JAZF1: variants seen among roughly 807,000 people sequenced by gnomAD.
The protein encoded by JAZF1 is juxtaposed with another zinc finger protein 1.
A neutral mutation model predicts 26.4 loss-of-function variants in JAZF1; 8 were observed. The ratio of observed to expected loss-of-function variants is 0.30; its 90% CI spans 0.18 to 0.55. JAZF1 has a LOEUF of 0.55. JAZF1 is among the 20% of genes least tolerant of loss of function. JAZF1 has a pLI of 0.94. For synonymous variants in JAZF1, 126 were observed against 122.3 expected (o/e 1.03, Z -0.20); for missense variants, 199 against 322.0 (o/e 0.62, Z 2.92).
chr7:28,021,804 G>T (rs144034795), intron 1 of JAZF1, among the ~76,000 whole-genome samples: 2 of 152,334 alleles, frequency 1.3e-5, no homozygotes, highest in East Asian at 3.9e-4. Flanking sequence ...AGGGCCCACA[G>T]TTCGTCACCA....
At chr7:28,101,322 G>C (rs749484949) in intron 1 of JAZF1, among the ~76,000 whole-genome samples, 10 of 152,044 alleles carry the variant, frequency 6.6e-5, no homozygotes, top group Non-Finnish European at 1.0e-4. Flanking sequence ...CAGACACACA[G>C]TTATACAACG....
At chr7:27,914,294 T>G (rs2128346246) in intron 2 of JAZF1, among the ~76,000 whole-genome samples, 1 of 152,268 alleles carries the variant, frequency 6.6e-6, no homozygotes, top group South Asian at 2.1e-4. Context: ...GGACAGGTTC[T>G]CTGCTCTTCA....
chr7:27,966,772 A>AT (rs941490822), intron 2 of JAZF1, among the ~76,000 whole-genome samples: 7 of 152,162 alleles, frequency 4.6e-5, no homozygotes, highest in East Asian at 1.9e-4. Context: ...TCAAGGGGTA[A>AT]TTTTTTTTGT....
rs1785078453 is a variant in JAZF1 at position 27,955,783 on chromosome 7, A to G, written c.188+36126T>C. 2.6e-5 allele frequency among the ~76,000 whole-genome samples: 4 copies of G among 152,234 alleles called. No homozygotes were observed. In the South Asian group the frequency reaches 8.3e-4, roughly 31 times the overall value. Reference sequence around the variant, plus strand: ...CCACAATTAGGCATGACCTTTACTTAATGAAGCACTCCCTAAAGGGTGGTG... The same window carrying G: ...CCACAATTAGGCATGACCTTTACTTGATGAAGCACTCCCTAAAGGGTGGTG... On this transcript the variant is annotated intron_variant, in intron 2 of 4. Coordinates refer to ENST00000283928, the MANE Select transcript of JAZF1 (RefSeq NM_175061.4).
At chr7:28,144,831 CA>C (rs1783001394) in intron 1 of JAZF1, among the ~76,000 whole-genome samples, 3 of 152,100 alleles carry the variant, frequency 2.0e-5, no homozygotes, top group Admixed American at 6.5e-5. Flanking sequence ...CTTTTTAAAT[CA>C]AAGGTAAATC....
At chr7:28,177,111 C>T (rs180812745) in intron 1 of JAZF1, among the ~76,000 whole-genome samples, 3 of 152,010 alleles carry the variant, frequency 2.0e-5, no homozygotes, top group African/African-American at 7.3e-5. Flanking sequence ...CGGGATTTCT[C>T]GGCAATTTAA....
At chr7:28,150,658 A>G (rs890288460) in intron 1 of JAZF1, among the ~76,000 whole-genome samples, 3 of 152,182 alleles carry the variant, frequency 2.0e-5, no homozygotes, top group Non-Finnish European at 4.4e-5. Context: ...CTCTCCTAAG[A>G]GGCCACACAA....
At chr7:28,166,866 C>G (rs370406679) in intron 1 of JAZF1, among the ~76,000 whole-genome samples, 1 of 152,142 alleles carries the variant, frequency 6.6e-6, no homozygotes, top group East Asian at 1.9e-4. Flanking sequence ...CCAGGGAAAT[C>G]AAATTTCACC....
intron 2 of JAZF1, among the ~76,000 whole-genome samples, chr7:27,918,581 C>A (rs964891564): frequency 3.3e-5 from 5 of 152,138 alleles, no homozygotes; most frequent in Admixed American, 3.3e-4. Flanking sequence ...TCTAGTATTT[C>A]AACTTTTCCA....
chr7:28,066,286 C>G (rs1316717061), intron 1 of JAZF1, among the ~76,000 whole-genome samples: 3 of 152,022 alleles, frequency 2.0e-5, no homozygotes, highest in Non-Finnish European at 2.9e-5. Flanking sequence ...CAGGCCAGGT[C>G]AGGGCTGGAA....
chr7:28,131,914 C>T (rs1037076642), intron 1 of JAZF1, among the ~76,000 whole-genome samples: 8 of 152,076 alleles, frequency 5.3e-5, no homozygotes, highest in South Asian at 2.1e-4. Context: ...GAAAATGCAA[C>T]GCACAAATCT....
At chr7:28,056,293 A>G (rs1419680604) in intron 1 of JAZF1, among the ~76,000 whole-genome samples, 1 of 152,126 alleles carries the variant, frequency 6.6e-6, no homozygotes, top group African/African-American at 2.4e-5. Flanking sequence ...GGCAGTTCAT[A>G]CCACATGTAC....
At chr7:28,143,159 T>C (rs1297162387) in intron 1 of JAZF1, among the ~76,000 whole-genome samples, 1 of 152,176 alleles carries the variant, frequency 6.6e-6, no homozygotes, top group Non-Finnish European at 1.5e-5. Context: ...ATACTGCAGA[T>C]TGACTCAAAC....
intron 1 of JAZF1, among the ~76,000 whole-genome samples, chr7:28,091,643 C>T (rs932325845): frequency 2.0e-5 from 3 of 149,580 alleles, no homozygotes; most frequent in African/African-American, 7.3e-5. Flanking sequence ...TATACACACA[C>T]ACAGACACAC....
chr7:27,961,347 A>G (rs914743528), intron 2 of JAZF1, among the ~76,000 whole-genome samples: 6 of 152,180 alleles, frequency 3.9e-5, no homozygotes, highest in Non-Finnish European at 7.3e-5. Flanking sequence ...CGGACCCACG[A>G]CATGTAATTA....
At chr7:27,947,525 G>A (rs1562537333) in intron 2 of JAZF1, among the ~76,000 whole-genome samples, 1 of 152,164 alleles carries the variant, frequency 6.6e-6, no homozygotes, top group Non-Finnish European at 1.5e-5. Context: ...AAGTGAATCT[G>A]CTTTCATGCA....
At chr7:28,045,907 G>A (rs1783488750) in intron 1 of JAZF1, among the ~76,000 whole-genome samples, 1 of 152,032 alleles carries the variant, frequency 6.6e-6, no homozygotes, top group African/African-American at 2.4e-5. Context: ...CATTTTACTG[G>A]CCTTAAAAAT....
chr7:28,145,807 C>A (rs886663), intron 1 of JAZF1, among the ~76,000 whole-genome samples: 6 of 152,006 alleles, frequency 3.9e-5, no homozygotes, highest in Non-Finnish European at 8.8e-5. Flanking sequence ...AGGACGCTGG[C>A]AACCACTTTG....
chr7:28,050,110 A>C (rs1783586785), intron 1 of JAZF1, among the ~76,000 whole-genome samples: 1 of 152,140 alleles, frequency 6.6e-6, no homozygotes, highest in African/African-American at 2.4e-5. Context: ...GTCACTCAGG[A>C]AATTCCATGA....
Sources: allele counts gnomAD v4.1 joint callset (sites outside exome capture counted in the v4.1 genomes callset), GRCh38; gene constraint gnomAD v4.1.1; transcripts MANE v1.5; gene names NCBI Gene and HGNC (gene_info 2026-07-23, HGNC 2026-07-21).